Variants in NAV2 observed in about 807,000 individuals in gnomAD.
NAV2 encodes the protein neuron navigator 2, also known as helicase, APC down-regulated 1.
In NAV2, 54 loss-of-function variants were observed where a neutral mutation model predicts 223.2. The ratio of observed to expected loss-of-function variants is 0.24; its 90% confidence interval spans 0.19 to 0.30. The LOEUF (loss-of-function observed/expected upper bound fraction) is 0.30, where lower values mean the gene tolerates loss of function less well. NAV2 is among the 10% of genes least tolerant of loss of function. The pLI is 1.00. For missense variants in NAV2, 2,806 were observed against 3,147.5 expected, an observed-to-expected ratio of 0.89 and a Z score of 2.60; for synonymous variants, 1,279 against 1,239.3, an observed-to-expected ratio of 1.03 and a Z score of -0.67.
intron 3 of NAV2, among the ~76,000 whole-genome samples, chr11:19,859,137 CTTTTTTTTTTTTTTT>C (rs569446282): frequency 9.3e-6 from 1 of 107,108 alleles, no homozygotes. Context: ...ATCATATTCT[CTTTTTTTTTTTTTTT>C]TTTTTTTATT....
intron 8 of NAV2, among the ~76,000 whole-genome samples, chr11:19,941,952 A>G (rs1437310822): frequency 6.6e-6 from 1 of 151,862 alleles, no homozygotes; most frequent in African/African-American, 2.4e-5. Flanking sequence ...AAAATCCTGG[A>G]TTTTTTCCAT....
At chr11:19,736,905 A>C (rs1031650614) in intron 1 of NAV2, among the ~76,000 whole-genome samples, 1 of 152,138 alleles carries the variant, frequency 6.6e-6, no homozygotes, top group Non-Finnish European at 1.5e-5. Flanking sequence ...ACCTTTTCTG[A>C]GGGGCCCCTA....
chr11:19,507,936 C>T (rs1239512182), intron 1 of NAV2, among the ~76,000 whole-genome samples: 19 of 152,158 alleles, frequency 1.2e-4, no homozygotes, highest in Admixed American at 1.2e-3. Context: ...AGTCTAACTC[C>T]AGAGCCCAGG....
intron 1 of NAV2, among the ~76,000 whole-genome samples, chr11:19,405,833 G>C (rs944388807): frequency 6.6e-6 from 1 of 152,138 alleles, no homozygotes; most frequent in Non-Finnish European, 1.5e-5. Flanking sequence ...TTCTTATTAG[G>C]CCTTTGAGTA....
intron 14 of NAV2, among the ~76,000 whole-genome samples, chr11:20,046,426 G>GATGTTA (rs2057435922): frequency 6.6e-6 from 1 of 152,014 alleles, no homozygotes; most frequent in African/African-American, 2.4e-5. Flanking sequence ...CAGGGGAGCA[G>GATGTTA]ATACATTTTT....
At chr11:20,020,525 T>C (rs917944303) in intron 11 of NAV2, among the ~76,000 whole-genome samples, 4 of 152,182 alleles carry the variant, frequency 2.6e-5, no homozygotes, top group Non-Finnish European at 4.4e-5. Flanking sequence ...TTTCAAACCA[T>C]GAGAAAACCC....
At chr11:19,398,011 G>A (rs760882258) in intron 1 of NAV2, among the ~76,000 whole-genome samples, 12 of 152,208 alleles carry the variant, frequency 7.9e-5, no homozygotes, top group Non-Finnish European at 1.6e-4. Context: ...TGGAGAAACA[G>A]ACTGGGGAAA....
At chr11:19,926,589 A>G (rs530676365) in intron 6 of NAV2, among the ~76,000 whole-genome samples, 1 of 152,002 alleles carries the variant, frequency 6.6e-6, no homozygotes, top group African/African-American at 2.4e-5. Context: ...ACTGACCAGG[A>G]TGACTCTGAA....
At chr11:19,835,260 C>A (rs936119649) in intron 2 of NAV2, among the ~76,000 whole-genome samples, 4 of 152,134 alleles carry the variant, frequency 2.6e-5, no homozygotes, top group Admixed American at 2.0e-4. Context: ...ACACCTGAGG[C>A]CACTAAATTG....
chr11:19,367,122 G>T (rs1169162202), intron 1 of NAV2, among the ~76,000 whole-genome samples: 2 of 152,190 alleles, frequency 1.3e-5, no homozygotes, highest in Non-Finnish European at 2.9e-5. Context: ...GGCACCATTT[G>T]TAATGTCCTG....
chr11:19,795,725 A>G (rs956792394), intron 1 of NAV2, among the ~76,000 whole-genome samples: 1 of 152,204 alleles, frequency 6.6e-6, no homozygotes, highest in Admixed American at 6.5e-5. Flanking sequence ...TTCGTGATAA[A>G]TTTGCCTCCT....
At chr11:19,862,525 A>T (rs1331328687) in intron 3 of NAV2, among the ~76,000 whole-genome samples, 2 of 152,240 alleles carry the variant, frequency 1.3e-5, no homozygotes, top group African/African-American at 4.8e-5. Context: ...TTTATACATC[A>T]GCCTGAGTAG....
chr11:20,011,679 C>T (rs1168742070), intron 11 of NAV2, among the ~76,000 whole-genome samples: 2 of 152,216 alleles, frequency 1.3e-5, no homozygotes, highest in African/African-American at 4.8e-5. Flanking sequence ...TTACATTATA[C>T]AGCCTCTAAA....
intron 11 of NAV2, among the ~76,000 whole-genome samples, chr11:20,014,626 G>A (rs2053849796): frequency 6.6e-6 from 1 of 152,192 alleles, no homozygotes; most frequent in Non-Finnish European, 1.5e-5. Context: ...CATAGGCCAG[G>A]TGCAGTGGCT....
At chr11:19,374,313 T>C (rs1306516868) in intron 1 of NAV2, among the ~76,000 whole-genome samples, 1 of 93,574 alleles carries the variant, frequency 1.1e-5, no homozygotes, top group African/African-American at 3.4e-5. Context: ...GAAAAGGTTT[T>C]TTTTTTTTTT....
intron 1 of NAV2, among the ~76,000 whole-genome samples, chr11:19,558,081 T>C (rs1398602068): frequency 6.6e-6 from 1 of 152,216 alleles, no homozygotes; most frequent in Non-Finnish European, 1.5e-5. Flanking sequence ...AGCCTATTTG[T>C]ATTTAAAACC....
intron 1 of NAV2, among the ~76,000 whole-genome samples, chr11:19,571,485 T>C (rs1453042167): frequency 6.6e-6 from 1 of 152,188 alleles, no homozygotes; most frequent in Non-Finnish European, 1.5e-5. Context: ...GGTGGGTGGA[T>C]CACCTGATGT....
At chr11:19,627,099 C>T (rs572023227) in intron 1 of NAV2, among the ~76,000 whole-genome samples, 1 of 152,086 alleles carries the variant, frequency 6.6e-6, no homozygotes. Context: ...GTCAAGAGAT[C>T]CATGTGGGCC....
In NAV2 at chr11:20,079,926, TAGG is replaced by T. The variant is rs1472967037; in HGVS notation, c.5180-137_5180-135del. On this transcript the variant is annotated intron_variant, in intron 24 of 37. Coordinates refer to ENST00000349880, the MANE Select transcript of NAV2 (RefSeq NM_145117.5). ...TATTCAAGGATCTTAGAAACAGCTG[TAGG>T]GATCAGAGTTGATGTATATGTGGAA... The T allele has an allele frequency of 1.3e-5, 11 of 815,592 alleles. No individual in the cohort carries two copies. The East Asian group carries it at 2.9e-4, about 22-fold the overall frequency. 50.5% of individuals were successfully genotyped at this position (815,592 alleles called of 1,614,324 possible). A position where few individuals can be genotyped will look rare whatever the true frequency, so the allele number is the denominator to read the frequency against.
Sources: gnomAD v4.1 joint callset for allele counts (sites outside exome capture counted in the v4.1 genomes callset) on GRCh38, gnomAD v4.1.1 for gene constraint, MANE v1.5 for transcripts, NCBI Gene and HGNC (gene_info 2026-07-23, HGNC 2026-07-21) for gene names.